TEX9: variants seen among roughly 807,000 people sequenced by gnomAD.
TEX9 encodes the protein testis expressed 9.
In TEX9, 74 loss-of-function variants were observed where a neutral mutation model predicts 59.6. The ratio of observed to expected loss-of-function variants is 1.24; its 90% CI spans 1.03 to 1.51. The LOEUF (loss-of-function observed/expected upper bound fraction) is 1.51, where lower values mean the gene tolerates loss of function less well. Ranked by LOEUF, TEX9 falls within the 40% of genes most tolerant of loss-of-function variation. TEX9 has a pLI of 0.00. For synonymous variants in TEX9, 186 were observed against 152.2 expected, an observed-to-expected ratio of 1.22 and a Z score of -1.64; for missense variants, 522 against 447.8, an observed-to-expected ratio of 1.17 and a Z score of -1.49.
At chr15:56,276,333 C>T (rs1387377328) in intron 1 of TEX9, among the ~76,000 whole-genome samples, 4 of 152,032 alleles carry the variant, frequency 2.6e-5, no homozygotes, top group South Asian at 4.2e-4. Flanking sequence ...TCCTCTTGCC[C>T]CCCACACCTT....
Position 56,394,851 on chromosome 15 carries a change from T to C in TEX9, c.828+17T>C, listed in dbSNP as rs374626306. 44 of 1,597,526 alleles carry C rather than the reference T, an allele frequency of 2.8e-5. No homozygotes were observed. In the African/African-American group the frequency reaches 4.6e-4, roughly 17 times the overall value. ...GTAGAAAGGGTAATTATTTGGTATT[T>C]TTCCTAACTTAATGCCACAGATACA... On this transcript the variant is annotated intron_variant, in intron 9 of 12. Transcript: ENST00000352903.
intron 9 of TEX9, among the ~76,000 whole-genome samples, chr15:56,400,815 A>G (rs2048730228): frequency 6.6e-6 from 1 of 152,322 alleles, no homozygotes; most frequent in Admixed American, 6.5e-5. Context: ...ACCAGAAGAG[A>G]GTGGGGACCG....
chr15:56,294,190 G>A (rs752846282), intron 1 of TEX9, among the ~76,000 whole-genome samples: 1 of 152,152 alleles, frequency 6.6e-6, no homozygotes, highest in East Asian at 1.9e-4. Context: ...CTAGAGGGAT[G>A]GACTGTCAAA....
downstream of TEX9, among the ~76,000 whole-genome samples, chr15:56,449,011 T>G (rs2050928553): frequency 6.6e-6 from 1 of 152,172 alleles, no homozygotes; most frequent in African/African-American, 2.4e-5. Context: ...TGCCTTGGCC[T>G]TGCAAAGTGC....
intron 12 of TEX9, among the ~76,000 whole-genome samples, chr15:56,433,360 T>C (rs1303518522): frequency 2.6e-5 from 4 of 151,928 alleles, no homozygotes; most frequent in South Asian, 2.1e-4. Flanking sequence ...CAAACCACCA[T>C]GGCACATGTA....
chr15:56,358,177 T>C (rs942345380), intron 1 of TEX9, among the ~76,000 whole-genome samples: 10 of 152,188 alleles, frequency 6.6e-5, no homozygotes, highest in African/African-American at 2.4e-4. Flanking sequence ...GTTTTCTGAA[T>C]ACAGTTCCCT....
At chr15:56,358,911 A>G (rs1241152022) in intron 1 of TEX9, among the ~76,000 whole-genome samples, 1 of 152,052 alleles carries the variant, frequency 6.6e-6, no homozygotes, top group Non-Finnish European at 1.5e-5. Flanking sequence ...GCCACGTAAG[A>G]CATGCCTGCT....
At chr15:56,317,293 A>G (rs531363175) in intron 1 of TEX9, among the ~76,000 whole-genome samples, 1 of 152,324 alleles carries the variant, frequency 6.6e-6, no homozygotes, top group East Asian at 1.9e-4. Flanking sequence ...GAATATACTC[A>G]TTTCATCTAG....
At chr15:56,354,428 T>C (rs2046647235) in intron 1 of TEX9, among the ~76,000 whole-genome samples, 1 of 152,158 alleles carries the variant, frequency 6.6e-6, no homozygotes, top group Non-Finnish European at 1.5e-5. Context: ...AAAAGCAAGG[T>C]TGATCTCTCA....
At chr15:56,416,700 G>T (rs1260302687) in intron 10 of TEX9, among the ~76,000 whole-genome samples, 1 of 151,774 alleles carries the variant, frequency 6.6e-6, no homozygotes, top group African/African-American at 2.4e-5. Context: ...CCAGGTTTTG[G>T]TATCAAGATG....
chr15:56,438,867 G>A (rs2050772810), intron 12 of TEX9, among the ~76,000 whole-genome samples: 1 of 152,152 alleles, frequency 6.6e-6, no homozygotes, highest in African/African-American at 2.4e-5. Flanking sequence ...AGACATTTAT[G>A]CAGCCAACAG....
At chr15:56,421,543 A>G (rs1380164996) in intron 10 of TEX9, 1 of 151,666 alleles carries the variant, frequency 6.6e-6, no homozygotes, top group African/African-American at 2.4e-5. Flanking sequence ...TCGTGTTAGC[A>G]TTGTCTTGTC....
chr15:56,422,742 A>G (rs1220749788), intron 10 of TEX9, among the ~76,000 whole-genome samples: 4 of 151,998 alleles, frequency 2.6e-5, no homozygotes, highest in Admixed American at 2.0e-4. Flanking sequence ...CTGTTATACA[A>G]CCTATCCATG....
At chr15:56,248,346 A>G (rs1481818216) in intron 1 of TEX9, among the ~76,000 whole-genome samples, 1 of 152,246 alleles carries the variant, frequency 6.6e-6, no homozygotes, top group Non-Finnish European at 1.5e-5. Context: ...TGTCATTAAA[A>G]CAATGTATAG....
chr15:56,445,987 G>C (rs2050899029), downstream of TEX9: 1 of 151,978 alleles, frequency 6.6e-6, no homozygotes, highest in Non-Finnish European at 1.5e-5. Context: ...AGGTATTCCT[G>C]TTAACAGCAT....
intron 1 of TEX9, among the ~76,000 whole-genome samples, chr15:56,261,028 C>G (rs1266558826): frequency 4.6e-5 from 7 of 151,350 alleles, no homozygotes; most frequent in Non-Finnish European, 1.0e-4. Context: ...TAAAATTATT[C>G]AAAATATTTC....
chr15:56,369,452 C>T (rs1380577803), intron 2 of TEX9, among the ~76,000 whole-genome samples: 3 of 151,872 alleles, frequency 2.0e-5, no homozygotes, highest in Admixed American at 1.3e-4. Flanking sequence ...CTCCCAGGCT[C>T]CTGAGTAGCT....
intron 9 of TEX9, among the ~76,000 whole-genome samples, chr15:56,410,642 C>T (rs28408440): frequency 1.3e-5 from 2 of 151,962 alleles, no homozygotes; most frequent in African/African-American, 4.8e-5. Context: ...ATTTTTCCCC[C>T]ACACCTCCCA....
chr15:56,295,092 T>C (rs1051695490), intron 1 of TEX9, among the ~76,000 whole-genome samples: 1 of 152,150 alleles, frequency 6.6e-6, no homozygotes, highest in African/African-American at 2.4e-5. Flanking sequence ...AATTCTATAA[T>C]ATAAGCCTAT....
Sources: allele counts gnomAD v4.1 joint callset (sites outside exome capture counted in the v4.1 genomes callset), GRCh38; gene constraint gnomAD v4.1.1; transcripts MANE v1.5; gene names NCBI Gene and HGNC (gene_info 2026-07-23, HGNC 2026-07-21).